ADAMTS12: variants seen among roughly 807,000 people sequenced by gnomAD.
The protein encoded by ADAMTS12 is A disintegrin and metalloproteinase with thrombospondin motifs 12.
A neutral mutation model predicts 167.8 loss-of-function variants in ADAMTS12; 118 were observed. The ratio of observed to expected loss-of-function variants is 0.70; its 90% CI spans 0.61 to 0.82. The LOEUF is 0.82. Ranked by LOEUF, ADAMTS12 falls within the 40% of genes least tolerant of loss-of-function variation. ADAMTS12 has a pLI of 0.00. For missense variants in ADAMTS12, 1,916 were observed against 1,998.8 expected, an observed-to-expected ratio of 0.96 and a Z score of 0.79; for synonymous variants, 704 against 716.9, an observed-to-expected ratio of 0.98 and a Z score of 0.29.
At chr5:33,822,398 G>A (rs1213136949) in intron 2 of ADAMTS12, among the ~76,000 whole-genome samples, 1 of 152,122 alleles carries the variant, frequency 6.6e-6, no homozygotes, top group Admixed American at 6.5e-5. Context: ...TTAGTTCTGT[G>A]ATCTCATTCA....
chr5:33,628,378 A>C (rs961403825), intron 13 of ADAMTS12, among the ~76,000 whole-genome samples: 1 of 152,144 alleles, frequency 6.6e-6, no homozygotes, highest in African/African-American at 2.4e-5. Context: ...GTGTCCTGAA[A>C]AGTCAAAGTT....
chr5:33,551,173 G>A (rs1176348668), intron 20 of ADAMTS12, among the ~76,000 whole-genome samples: 3 of 152,118 alleles, frequency 2.0e-5, no homozygotes, highest in Non-Finnish European at 2.9e-5. Flanking sequence ...AATTCCTCAC[G>A]ACTTTTCAGT....
intron 6 of ADAMTS12, among the ~76,000 whole-genome samples, chr5:33,660,085 T>C (rs1187247108): frequency 6.6e-6 from 1 of 152,152 alleles, no homozygotes; most frequent in Non-Finnish European, 1.5e-5. Context: ...CAGCCCCAAA[T>C]GTTAATAGTG....
intron 5 of ADAMTS12, among the ~76,000 whole-genome samples, chr5:33,680,939 T>G (rs1040113446): frequency 6.6e-6 from 1 of 152,198 alleles, no homozygotes; most frequent in Non-Finnish European, 1.5e-5. Context: ...TTTTCACCTC[T>G]ACTAGGCAAA....
chr5:33,816,364 T>C (rs576148779), intron 2 of ADAMTS12, among the ~76,000 whole-genome samples: 1 of 152,290 alleles, frequency 6.6e-6, no homozygotes, highest in South Asian at 2.1e-4. Context: ...AAATGTACAA[T>C]ACTCTGTTAT....
At chr5:33,881,686 C>T (rs539857674) in intron 1 of ADAMTS12, among the ~76,000 whole-genome samples, 19 of 151,566 alleles carry the variant, frequency 1.3e-4, no homozygotes, top group African/African-American at 4.1e-4. Context: ...CCTCAGCCTC[C>T]TGAGTATCTG....
chr5:33,640,877 A>G (rs1282411707), intron 11 of ADAMTS12, among the ~76,000 whole-genome samples: 1 of 136,610 alleles, frequency 7.3e-6, no homozygotes, highest in Non-Finnish European at 1.5e-5. Flanking sequence ...ATATACATAT[A>G]CTTATATTTA....
At chr5:33,855,136 C>T (rs143746549) in intron 2 of ADAMTS12, among the ~76,000 whole-genome samples, 2 of 152,334 alleles carry the variant, frequency 1.3e-5, no homozygotes, top group African/African-American at 2.4e-5. Context: ...AGGGCAGAAA[C>T]GGTCACATTC....
chr5:33,864,789 T>C (rs1749750435), intron 2 of ADAMTS12, among the ~76,000 whole-genome samples: 1 of 151,948 alleles, frequency 6.6e-6, no homozygotes, highest in Admixed American at 6.6e-5. Context: ...AGCTGAACAA[T>C]GAGAACACAT....
At chr5:33,607,772 T>C (rs567787801) in intron 16 of ADAMTS12, among the ~76,000 whole-genome samples, 18 of 152,172 alleles carry the variant, frequency 1.2e-4, no homozygotes, top group Non-Finnish European at 2.5e-4. Flanking sequence ...AACTCAGTTT[T>C]AAAGGTATCA....
At chr5:33,614,598 T>C (rs748098406) in intron 15 of ADAMTS12, among the ~76,000 whole-genome samples, 1 of 152,226 alleles carries the variant, frequency 6.6e-6, no homozygotes, top group Non-Finnish European at 1.5e-5. Flanking sequence ...TATAGCTATA[T>C]ATTTTCCATC....
chr5:33,880,871 G>C, intron 2 of ADAMTS12: 1 of 475,164 alleles, frequency 2.1e-6, no homozygotes, highest in Non-Finnish European at 3.7e-6. Context: ...ACCCCAAACT[G>C]ATGTTGCTGG....
chr5:33,649,078 T>G (rs1740783379), intron 8 of ADAMTS12, 112 bp from the exon 9 acceptor site: 3 of 1,345,864 alleles, frequency 2.2e-6, no homozygotes, highest in Non-Finnish European at 3.0e-6. Flanking sequence ...TAAGACAACT[T>G]TATTTTTTAC....
chr5:33,800,060 G>A (rs1746939459), intron 2 of ADAMTS12, among the ~76,000 whole-genome samples: 1 of 152,212 alleles, frequency 6.6e-6, no homozygotes, highest in South Asian at 2.1e-4. Flanking sequence ...AGGCACTTAA[G>A]CCAAAGGGGA....
chr5:33,874,750 A>G (rs1750162758), intron 2 of ADAMTS12, among the ~76,000 whole-genome samples: 1 of 152,196 alleles, frequency 6.6e-6, no homozygotes, highest in African/African-American at 2.4e-5. Context: ...TCAGCACTAA[A>G]AAGAAATGAG....
intron 2 of ADAMTS12, among the ~76,000 whole-genome samples, chr5:33,770,230 C>T (rs973621837): frequency 2.6e-5 from 4 of 152,172 alleles, no homozygotes; most frequent in African/African-American, 9.7e-5. Context: ...ATCCTGGTTG[C>T]TTCCAATTTT....
chr5:33,878,997 A>G (rs545592605), intron 2 of ADAMTS12, among the ~76,000 whole-genome samples: 4 of 152,274 alleles, frequency 2.6e-5, no homozygotes, highest in Admixed American at 1.3e-4. Flanking sequence ...AATGTAGATC[A>G]GTGGTTCCCT....
intron 2 of ADAMTS12, among the ~76,000 whole-genome samples, chr5:33,813,930 T>A (rs1455100040): frequency 1.3e-5 from 2 of 152,152 alleles, no homozygotes; most frequent in Non-Finnish European, 2.9e-5. Context: ...AGTTTTGAGG[T>A]GGTTTGTTAT....
At chr5:33,572,720 T>C (rs913242480) in intron 19 of ADAMTS12, among the ~76,000 whole-genome samples, 2 of 148,270 alleles carry the variant, frequency 1.3e-5, no homozygotes, top group African/African-American at 5.0e-5. Flanking sequence ...ACCACTCCTA[T>C]GCAACATAGT....
Sources: gnomAD v4.1 joint callset for allele counts (sites outside exome capture counted in the v4.1 genomes callset) on GRCh38, gnomAD v4.1.1 for gene constraint, MANE v1.5 for transcripts, NCBI Gene and HGNC (gene_info 2026-07-23, HGNC 2026-07-21) for gene names.